IQSEC2: variants seen among roughly 807,000 people sequenced by gnomAD.
IQSEC2 encodes the protein IQ motif and Sec7 domain ArfGEF 2, also known as IQ motif and SEC7 domain-containing protein 2.
Under a neutral mutation model 74.6 loss-of-function variants are expected in IQSEC2, and 6 were observed. The ratio of observed to expected loss-of-function variants is 0.08; its 90% confidence interval spans 0.04 to 0.16. The LOEUF (loss-of-function observed/expected upper bound fraction) is 0.16. Among genes scored for constraint, IQSEC2 ranks in the 10% least tolerant of loss-of-function variants. IQSEC2 has a pLI of 1.00. For synonymous variants in IQSEC2, 494 were observed against 544.5 expected (o/e 0.91, Z 1.29); for missense variants, 734 against 1,306.2 (o/e 0.56, Z 6.75).
At chrX:53,310,128 G>A (rs1216004932) in intron 1 of IQSEC2, among the ~76,000 whole-genome samples, 1 of 111,480 alleles carries the variant, frequency 9.0e-6, no homozygotes, top group African/African-American at 3.3e-5. Flanking sequence ...GGTGGCTCAC[G>A]CTTATAATCC....
intron 1 of IQSEC2, among the ~76,000 whole-genome samples, chrX:53,317,497 G>C (rs1228979608): frequency 8.9e-6 from 1 of 111,775 alleles, no homozygotes; most frequent in African/African-American, 3.3e-5. Flanking sequence ...AGCTCTGGTG[G>C]GCTTCACTTC....
chrX:53,244,957 C>A (rs781835675), intron 8 of IQSEC2, among the ~76,000 whole-genome samples: 5 of 107,456 alleles, frequency 4.7e-5, no homozygotes, highest in South Asian at 4.0e-4. Flanking sequence ...ACACACACAC[C>A]CACACACACA....
intron 2 of IQSEC2, among the ~76,000 whole-genome samples, chrX:53,256,744 A>G (rs893209328): frequency 2.7e-5 from 3 of 112,607 alleles, no homozygotes; most frequent in Admixed American, 9.3e-5. Context: ...GCGAGCAGCA[A>G]CAGTGGGAGG....
chrX:53,241,943 G>T (rs782658233), intron 9 of IQSEC2, 34 bp from the exon 10 acceptor site: 10 of 1,199,429 alleles, frequency 8.3e-6, no homozygotes, highest in Non-Finnish European at 1.0e-5. Flanking sequence ...TGTCAGCAAG[G>T]CCAGCCCATC....
intron 2 of IQSEC2, chrX:53,279,620 A>G (rs1556870328): frequency 8.3e-7 from 1 of 1,201,339 alleles, no homozygotes; most frequent in Admixed American, 2.2e-5. Flanking sequence ...GGACCTGAGT[A>G]GGACAGCAAT....
chrX:53,293,481 T>C (rs1470820613), intron 1 of IQSEC2, among the ~76,000 whole-genome samples: 3 of 111,779 alleles, frequency 2.7e-5, no homozygotes, highest in African/African-American at 9.8e-5. Context: ...TATTAAAATG[T>C]TCCATCTCCT....
chrX:53,286,957 A>AG (rs2075038023), intron 2 of IQSEC2, among the ~76,000 whole-genome samples: 1 of 104,876 alleles, frequency 9.5e-6, no homozygotes, highest in Non-Finnish European at 2.0e-5. Flanking sequence ...AAAAAAAAAA[A>AG]GAAAAAGAAA....
At chrX:53,315,964 C>T (rs2075366311) in intron 1 of IQSEC2, among the ~76,000 whole-genome samples, 1 of 111,973 alleles carries the variant, frequency 8.9e-6, no homozygotes, top group African/African-American at 3.3e-5. Flanking sequence ...TCATCCCTCA[C>T]CCACCGCCCA....
chrX:53,248,974 T>C (rs782323777), intron 5 of IQSEC2, 92 bp from the exon 6 acceptor site: 14 of 937,863 alleles, frequency 1.5e-5, no homozygotes, highest in Non-Finnish European at 2.1e-5. Flanking sequence ...CCCAACTAAG[T>C]CCGGCCTCAG....
chrX:53,304,723 G>A (rs1556876217), intron 1 of IQSEC2, among the ~76,000 whole-genome samples: 1 of 111,211 alleles, frequency 9.0e-6, no homozygotes, highest in African/African-American at 3.3e-5. Flanking sequence ...GAGCCCCTGG[G>A]AGGCTTGATC....
At chrX:53,246,913 T>C in intron 8 of IQSEC2, 56 bp downstream of exon 8, 1 of 1,086,364 alleles carries the variant, frequency 9.2e-7, no homozygotes, top group Admixed American at 2.2e-5. Context: ...TCCTTCCCCT[T>C]ACCCCCCACT....
intron 6 of IQSEC2, 54 bp downstream of exon 6, chrX:53,248,667 G>A (rs2074342218): frequency 8.6e-7 from 1 of 1,168,583 alleles, no homozygotes; most frequent in Admixed American, 2.2e-5. Flanking sequence ...CCTCCCTCTT[G>A]CTGTCCTTTT....
At chrX:53,262,704 T>A (rs5933536) in intron 2 of IQSEC2, among the ~76,000 whole-genome samples, 1 of 111,121 alleles carries the variant, frequency 9.0e-6, no homozygotes, top group Non-Finnish European at 1.9e-5. Flanking sequence ...ATCTAAGCCC[T>A]AGCCCAGCCT....
chrX:53,276,261 G>A, intron 2 of IQSEC2, among the ~76,000 whole-genome samples: 1 of 111,844 alleles, frequency 8.9e-6, no homozygotes, highest in Non-Finnish European at 1.9e-5. Context: ...CTATAGAGAA[G>A]TATTTCACAT....
chrX:53,249,167 A>G (rs2074349403), intron 5 of IQSEC2, among the ~76,000 whole-genome samples: 1 of 111,552 alleles, frequency 9.0e-6, no homozygotes, highest in Admixed American at 9.5e-5. Flanking sequence ...TCAGTATCTA[A>G]TGAGAGCCTG....
chrX:53,229,072 A>C, downstream of IQSEC2: 1 of 112,315 alleles, frequency 8.9e-6, no homozygotes, highest in African/African-American at 3.2e-5. Flanking sequence ...AGAAATCATC[A>C]ATGGATGCTC....
chrX:53,251,030 G>A lies in IQSEC2; in HGVS notation c.1546C>T (p.Leu516Phe). Residue 516 changes from leucine to phenylalanine, a missense_variant, in exon 5 of 15, where the codon CTT becomes TTT. Transcript: ENST00000642864. ...ACTGTGTCATCCAGGTAGAGGGGAAGATCACTGAAGGATGTGGCTGAGCTG... is the reference window on the plus strand; with the variant it reads ...ACTGTGTCATCCAGGTAGAGGGGAAAATCACTGAAGGATGTGGCTGAGCTG... ...EDSSATSFSDLPLYLDDTVPQ... is the reference protein window; with the variant it reads ...EDSSATSFSDFPLYLDDTVPQ... The A allele has an allele frequency of 8.3e-7, 1 of 1,211,774 alleles. No homozygotes were observed. Among genetic ancestry groups the A allele is most frequent in the Non-Finnish European group, 1.1e-6 (1 of 895,526 alleles).
chrX:53,289,327 T>C (rs1268241327), intron 2 of IQSEC2, among the ~76,000 whole-genome samples: 5 of 110,762 alleles, frequency 4.5e-5, no homozygotes, highest in African/African-American at 1.6e-4. Flanking sequence ...CTCGCCTCTC[T>C]CCTCCAACTT....
At chrX:53,252,203 G>A (rs1411980119) in intron 4 of IQSEC2, among the ~76,000 whole-genome samples, 1 of 110,805 alleles carries the variant, frequency 9.0e-6, no homozygotes, top group Non-Finnish European at 1.9e-5. Flanking sequence ...AGGGATTACA[G>A]GTGCGCACCA....
Sources: gnomAD v4.1 joint callset for allele counts (sites outside exome capture counted in the v4.1 genomes callset) on GRCh38, gnomAD v4.1.1 for gene constraint, MANE v1.5 for transcripts, NCBI Gene and HGNC (gene_info 2026-07-23, HGNC 2026-07-21) for gene names.